Variants in RBFOX1 observed in about 807,000 individuals in gnomAD.
RBFOX1 encodes RNA binding protein fox-1 homolog 1.
RBFOX1 carries 8 observed loss-of-function variants against 57.7 expected under a neutral mutation model. The observed-to-expected ratio is 0.14, with a 90% CI of 0.08 to 0.25. The LOEUF (loss-of-function observed/expected upper bound fraction) is 0.25, where lower values mean the gene tolerates loss of function less well. RBFOX1 is among the 10% of genes least tolerant of loss of function. The probability of loss-of-function intolerance (pLI) is 1.00; values close to 1 mark genes in which losing one functional copy is unlikely to be tolerated. For synonymous variants in RBFOX1, 326 were observed against 222.4 expected (o/e 1.47, Z -4.15); for missense variants, 611 against 548.5 (o/e 1.11, Z -1.14).
intron 4 of RBFOX1, among the ~76,000 whole-genome samples, chr16:7,280,950 TACCTACCTCCCTCCCTCCC>T (rs2095529254): frequency 1.7e-5 from 2 of 117,926 alleles, no homozygotes; most frequent in African/African-American, 3.4e-5. Context: ...TGTGATTCCC[TACCTACCTCCCTCCCTCCC>T]TCCCTCCCTC....
intron 2 of RBFOX1, among the ~76,000 whole-genome samples, chr16:6,411,091 A>G (rs573995053): frequency 7.2e-5 from 11 of 152,316 alleles, no homozygotes; most frequent in African/African-American, 2.6e-4. Context: ...CTGAAAACCA[A>G]CTGGATGTCC....
intron 3 of RBFOX1, among the ~76,000 whole-genome samples, chr16:6,721,281 A>G (rs2065941433): frequency 6.6e-6 from 1 of 152,174 alleles, no homozygotes; most frequent in African/African-American, 2.4e-5. Flanking sequence ...TGTCTGTACT[A>G]AAACTACAAA....
In RBFOX1 at chr16:6,579,232, C is replaced by T. The variant is rs374055382; in HGVS notation, c.-63-75371C>T. 1.9e-3 allele frequency among the ~76,000 whole-genome samples: 282 copies of T among 152,088 alleles called. 8 individuals are homozygous for T. The South Asian group carries it at 0.034, about 19-fold the overall frequency. ...GTTGTTTTTGTTTTTGAGAAAAGGT[C>T]TTATTCTGTTACCCAGGCTGGAGTG... is the stretch of plus-strand genomic sequence containing the variant. On this transcript the variant is annotated intron_variant, in intron 2 of 15. Coordinates refer to ENST00000550418, the MANE Select transcript of RBFOX1 (RefSeq NM_018723.4).
intron 3 of RBFOX1, among the ~76,000 whole-genome samples, chr16:5,657,661 TCTTTC>T (rs2049483311): frequency 1.4e-5 from 1 of 70,412 alleles, no homozygotes; most frequent in African/African-American, 5.0e-5. Context: ...TCTTTTCTTT[TCTTTC>T]TTTCTTTTCT....
At chr16:7,483,063 C>A (rs2064422586) in intron 4 of RBFOX1, among the ~76,000 whole-genome samples, 2 of 152,124 alleles carry the variant, frequency 1.3e-5, no homozygotes. Flanking sequence ...GGGAAGCCAC[C>A]CTCGTCACTA....
In RBFOX1 at chr16:7,599,979, A is replaced by G. The variant is rs77270328; in HGVS notation, c.622+2548A>G. 1.0e-2 allele frequency among the ~76,000 whole-genome samples: 1,517 copies of G among 152,172 alleles called. 28 individuals carry two copies. Among genetic ancestry groups the G allele is most frequent in the African/African-American group, 0.035 (1,448 of 41,506 alleles). The stretch of plus-strand genomic sequence containing the variant: ...TATGAAGTAACAAAATCTTGTGACC[A>G]TGCCTGTGTGTATCAGGCATCGCTT... On this transcript the variant is annotated intron_variant, in intron 9 of 15. Coordinates refer to ENST00000550418, the MANE Select transcript of RBFOX1 (RefSeq NM_018723.4).
chr16:6,470,469 C>G (rs913969077), intron 2 of RBFOX1, among the ~76,000 whole-genome samples: 5 of 152,344 alleles, frequency 3.3e-5, no homozygotes, highest in East Asian at 3.9e-4. Context: ...CCTATGTTGG[C>G]TTGGACATGA....
chr16:5,980,075 C>G (rs550231982), intron 4 of RBFOX1, among the ~76,000 whole-genome samples: 26 of 152,350 alleles, frequency 1.7e-4, no homozygotes, highest in Non-Finnish European at 3.5e-4. Flanking sequence ...TCCTCCCTCT[C>G]TCTAGGAACT....
At chr16:7,504,569 G>T (rs1318206382) in intron 4 of RBFOX1, among the ~76,000 whole-genome samples, 1 of 149,558 alleles carries the variant, frequency 6.7e-6, no homozygotes, top group Non-Finnish European at 1.5e-5. Flanking sequence ...TAAAGGAAAG[G>T]ACCTCATTGT....
intron 4 of RBFOX1, among the ~76,000 whole-genome samples, chr16:7,397,022 T>A (rs184156649): frequency 7.1e-4 from 108 of 152,308 alleles, no homozygotes; most frequent in African/African-American, 2.5e-3. Context: ...GCCTACACAT[T>A]CATGTGAGCT....
At chr16:6,168,523 T>C (rs1362781458) in intron 1 of RBFOX1, among the ~76,000 whole-genome samples, 2 of 152,146 alleles carry the variant, frequency 1.3e-5, no homozygotes, top group Non-Finnish European at 2.9e-5. Flanking sequence ...ACCTTGAAAA[T>C]GGGTTTTGAT....
At chr16:6,826,231 A>G (rs1400302726) in intron 3 of RBFOX1, among the ~76,000 whole-genome samples, 1 of 152,074 alleles carries the variant, frequency 6.6e-6, no homozygotes, top group East Asian at 1.9e-4. Flanking sequence ...CTTAGAACAG[A>G]CTGAGTGTGG....
At chr16:5,713,597 G>C (rs968808299) in intron 3 of RBFOX1, among the ~76,000 whole-genome samples, 4 of 152,094 alleles carry the variant, frequency 2.6e-5, no homozygotes, top group Non-Finnish European at 5.9e-5. Flanking sequence ...GAAATGCCCG[G>C]ATCTTTGATT....
chr16:6,934,814 G>A (rs761109344), intron 3 of RBFOX1, among the ~76,000 whole-genome samples: 2 of 152,088 alleles, frequency 1.3e-5, no homozygotes, highest in African/African-American at 2.4e-5. Flanking sequence ...AGCCAGGTGC[G>A]GTGGCTCCTG....
intron 3 of RBFOX1, among the ~76,000 whole-genome samples, chr16:5,781,308 C>G (rs74006287): frequency 0.014 from 2,167 of 152,248 alleles, 44 homozygotes; most frequent in African/African-American, 0.048. Context: ...TATCCATAGC[C>G]TCCTCCTCTT....
At chr16:5,302,425 G>C (rs1365397559) in intron 1 of RBFOX1, among the ~76,000 whole-genome samples, 2 of 152,128 alleles carry the variant, frequency 1.3e-5, no homozygotes, top group Non-Finnish European at 2.9e-5. Context: ...TTTTGGGTCT[G>C]TCATACTATA....
At chr16:6,777,960 T>G (rs995829440) in intron 3 of RBFOX1, among the ~76,000 whole-genome samples, 4 of 152,182 alleles carry the variant, frequency 2.6e-5, no homozygotes, top group African/African-American at 9.6e-5. Context: ...AATATCTGAA[T>G]GTGAGCAGCA....
At chr16:5,920,780 G>C (rs1393905204) in intron 4 of RBFOX1, among the ~76,000 whole-genome samples, 1 of 152,190 alleles carries the variant, frequency 6.6e-6, no homozygotes, top group African/African-American at 2.4e-5. Flanking sequence ...AGGAGGACCT[G>C]GGTGGAAATT....
rs531619575 is a variant in RBFOX1, at chr16:6,504,771, T to A, written c.-63-149832T>A. Among the ~76,000 whole-genome samples the A allele has an allele frequency of 1.6e-4, 24 of 152,228 alleles. 1 individual carries two copies. The highest frequency in any genetic ancestry group is 5.3e-4 in the African/African-American group (22 of 41,556). On this transcript the variant is annotated intron_variant, in intron 2 of 15. Coordinates refer to ENST00000550418, the MANE Select transcript of RBFOX1 (RefSeq NM_018723.4). ...CGGCACTTCTATTTAAAAAACAAAG[T>A]CTGGCCAGGTGCAGTGGCTCACGCC...
Sources: allele counts gnomAD v4.1 joint callset (sites outside exome capture counted in the v4.1 genomes callset), GRCh38; gene constraint gnomAD v4.1.1; transcripts MANE v1.5; gene names NCBI Gene and HGNC (gene_info 2026-07-23, HGNC 2026-07-21).